The following RARB variants were observed in gnomAD, a reference collection of about 807,000 sequenced individuals.
The protein encoded by RARB is retinoic acid receptor beta.
RARB carries 17 observed loss-of-function variants against 51.9 expected under a neutral mutation model. That is an observed-to-expected ratio of 0.33 (90% CI 0.22 to 0.49). The LOEUF is 0.49. RARB is among the 20% of genes least tolerant of loss of function. The pLI is 0.99. For synonymous variants in RARB, 215 were observed against 195.4 expected (o/e 1.10, Z -0.84); for missense variants, 369 against 550.8 (o/e 0.67, Z 3.30).
At chr3:25,311,027 G>A (rs1045353245) in intron 5 of RARB, among the ~76,000 whole-genome samples, 1 of 152,214 alleles carries the variant, frequency 6.6e-6, no homozygotes, top group Non-Finnish European at 1.5e-5. Context: ...TGCCACTTAG[G>A]TACCAGAACA....
At chr3:25,071,663 G>GT (rs1483870564) in intron 3 of RARB, among the ~76,000 whole-genome samples, 1 of 152,192 alleles carries the variant, frequency 6.6e-6, no homozygotes. Context: ...ATGAATTATG[G>GT]AATGCTGATC....
intron 2 of RARB, among the ~76,000 whole-genome samples, chr3:25,478,697 T>C (rs1311610833): frequency 1.3e-5 from 2 of 152,040 alleles, no homozygotes. Flanking sequence ...AAAGAAGAAA[T>C]CAGAAGGCCC....
chr3:25,265,318 G>T (rs1201608437), intron 5 of RARB, among the ~76,000 whole-genome samples: 4 of 152,106 alleles, frequency 2.6e-5, no homozygotes, highest in African/African-American at 7.2e-5. Flanking sequence ...TTCGGTACAA[G>T]AATATTTGTA....
At chr3:25,502,767 G>T (rs1027547175) in intron 3 of RARB, among the ~76,000 whole-genome samples, 2 of 152,158 alleles carry the variant, frequency 1.3e-5, no homozygotes, top group African/African-American at 2.4e-5. Flanking sequence ...GTAGCCACAA[G>T]TACCCCTGGT....
intron 5 of RARB, among the ~76,000 whole-genome samples, chr3:25,288,532 G>A (rs1703709776): frequency 6.6e-6 from 1 of 152,114 alleles, no homozygotes; most frequent in Non-Finnish European, 1.5e-5. Context: ...TAACCCATGA[G>A]CCCAGGACAC....
chr3:25,311,121 A>C (rs1704278487), intron 5 of RARB, among the ~76,000 whole-genome samples: 1 of 152,160 alleles, frequency 6.6e-6, no homozygotes, highest in South Asian at 2.1e-4. Flanking sequence ...GGCTTCATAG[A>C]GGGTGTCGGG....
intron 2 of RARB, among the ~76,000 whole-genome samples, chr3:25,480,847 A>C (rs1381508915): frequency 6.6e-6 from 1 of 152,208 alleles, no homozygotes; most frequent in Admixed American, 6.5e-5. Flanking sequence ...TTGCTACTGC[A>C]TGCCTCAATG....
intron 2 of RARB, among the ~76,000 whole-genome samples, chr3:24,872,178 C>G (rs943304516): frequency 1.3e-5 from 2 of 152,180 alleles, no homozygotes; most frequent in African/African-American, 4.8e-5. Flanking sequence ...TCCACCACTT[C>G]CAACATACCC....
At chr3:25,436,630 A>G (rs577759016) in intron 1 of RARB, among the ~76,000 whole-genome samples, 23 of 152,350 alleles carry the variant, frequency 1.5e-4, no homozygotes, top group African/African-American at 5.0e-4. Flanking sequence ...TGAACAAGGC[A>G]TCTCTCTGCT....
At chr3:25,042,005 A>C (rs1351071555) in intron 2 of RARB, among the ~76,000 whole-genome samples, 2 of 152,154 alleles carry the variant, frequency 1.3e-5, no homozygotes, top group Non-Finnish European at 2.9e-5. Context: ...CAATGAGAGA[A>C]GGTCCCCTGG....
At chr3:24,856,766 G>A (rs1019055213) in intron 1 of RARB, among the ~76,000 whole-genome samples, 2 of 152,160 alleles carry the variant, frequency 1.3e-5, no homozygotes, top group Non-Finnish European at 1.5e-5. Context: ...AGATTTTTCT[G>A]CCTTAATTTC....
chr3:25,358,245 A>G (rs9871477), intron 5 of RARB, among the ~76,000 whole-genome samples: 86,390 of 152,004 alleles, frequency 0.57, 25,290 homozygotes, highest in East Asian at 0.87. Flanking sequence ...TGTAGCAATT[A>G]TGAATGGGAC....
chr3:24,940,341 C>A (rs1449332690), intron 2 of RARB, among the ~76,000 whole-genome samples: 1 of 152,082 alleles, frequency 6.6e-6, no homozygotes, highest in East Asian at 1.9e-4. Flanking sequence ...GACTAAGATA[C>A]AGGTCTGTGA....
At chr3:25,575,696 G>A (rs907552585) in intron 4 of RARB, among the ~76,000 whole-genome samples, 2 of 151,800 alleles carry the variant, frequency 1.3e-5, no homozygotes, top group African/African-American at 4.8e-5. Context: ...TTTTTTATAA[G>A]GGCACCAAGT....
At chr3:25,452,095 C>A (rs890651764) in intron 1 of RARB, among the ~76,000 whole-genome samples, 2 of 152,188 alleles carry the variant, frequency 1.3e-5, no homozygotes, top group South Asian at 2.1e-4. Flanking sequence ...TTTCTGATGC[C>A]TCCACGTTCA....
chr3:25,580,794 C>T (rs1045995305), intron 5 of RARB, 72 bp downstream of exon 5: 1 of 1,427,242 alleles, frequency 7.0e-7, no homozygotes, highest in Non-Finnish European at 9.4e-7. Context: ...GGGAGGGGAC[C>T]AAGAGACATT....
chr3:25,450,883 G>A (rs748004921), intron 1 of RARB, among the ~76,000 whole-genome samples: 5 of 152,148 alleles, frequency 3.3e-5, no homozygotes, highest in African/African-American at 4.8e-5. Context: ...TCAGGAGTTC[G>A]AGACGAGCCT....
rs555197038 is a variant in RARB, at chr3:25,287,605, A to G, written c.178+113030A>G. 5.9e-5 allele frequency among the ~76,000 whole-genome samples: 9 copies of G among 152,214 alleles called. No homozygotes were observed. The South Asian group carries it at 1.9e-3, about 32-fold the overall frequency. On this transcript the variant is annotated intron_variant, in intron 5 of 11. Transcript: ENST00000383772. ...GCAGGCTTCTCCAGCTTCAAGAGTCACCTCACAAATTCTGACTTCCTTTGT... is the reference window on the plus strand; with the variant it reads ...GCAGGCTTCTCCAGCTTCAAGAGTCGCCTCACAAATTCTGACTTCCTTTGT...
At position 25,551,824 on chromosome 3, in the gene RARB, T is replaced by C. The variant is rs189536960; in HGVS notation, c.449-17934T>C. Among the ~76,000 whole-genome samples the C allele has an allele frequency of 2.6e-5, 4 of 152,164 alleles. No individual in the cohort carries two copies. The East Asian group carries it at 5.8e-4, about 22-fold the overall frequency. ...CAGGATGCAGATGTCTCAAGTTGAG[T>C]GTTTCTTAGCTTTCTCAATCAAGCC... is the stretch of plus-strand genomic sequence containing the variant. On this transcript the variant is annotated intron_variant, in intron 3 of 7. Coordinates refer to ENST00000330688, the MANE Select transcript of RARB (RefSeq NM_000965.5).
Sources: allele counts gnomAD v4.1 joint callset (sites outside exome capture counted in the v4.1 genomes callset), GRCh38; gene constraint gnomAD v4.1.1; transcripts MANE v1.5; gene names NCBI Gene and HGNC (gene_info 2026-07-23, HGNC 2026-07-21).